The following ANO6 variants were observed in gnomAD, a reference collection of about 807,000 sequenced individuals.
The protein encoded by ANO6 is anoctamin-6.
In ANO6, 106 loss-of-function variants were observed where a neutral mutation model predicts 117.5. That is an observed-to-expected ratio of 0.90 (90% CI 0.77 to 1.06). The LOEUF (loss-of-function observed/expected upper bound fraction) is 1.06. Among genes scored for constraint, ANO6 ranks in the 50% least tolerant of loss-of-function variants. The probability of loss-of-function intolerance (pLI) is 0.00; values close to 1 mark genes in which losing one functional copy is unlikely to be tolerated. For missense variants in ANO6, 955 were observed against 1,121.1 expected (o/e 0.85, Z 2.12); for synonymous variants, 367 against 385.1 (o/e 0.95, Z 0.55).
chr12:45,224,316 A>G (rs1480768361), intron 1 of ANO6, among the ~76,000 whole-genome samples: 3 of 152,214 alleles, frequency 2.0e-5, no homozygotes, highest in Non-Finnish European at 4.4e-5. Context: ...TGATTTCTCA[A>G]AAATTAAATC....
intron 1 of ANO6, chr12:45,228,106 C>A: frequency 2.5e-6 from 1 of 406,626 alleles, no homozygotes; most frequent in Non-Finnish European, 4.8e-6. Flanking sequence ...ATCCTATTCT[C>A]CTAGGCTTTT....
chr12:45,328,685 T>C (rs1014054772), intron 2 of ANO6, among the ~76,000 whole-genome samples: 1 of 152,192 alleles, frequency 6.6e-6, no homozygotes, highest in Non-Finnish European at 1.5e-5. Context: ...ACTTGCTATG[T>C]ACCTGGATTC....
intron 1 of ANO6, among the ~76,000 whole-genome samples, chr12:45,243,313 TCTCTTAAAAAA>T (rs1947774313): frequency 6.6e-6 from 1 of 152,090 alleles, no homozygotes; most frequent in African/African-American, 2.4e-5. Context: ...AGTGAGACCC[TCTCTTAAAAAA>T]GTAATTGTAA....
chr12:45,228,646 G>A (rs1421454965), intron 1 of ANO6, among the ~76,000 whole-genome samples: 1 of 152,140 alleles, frequency 6.6e-6, no homozygotes, highest in Non-Finnish European at 1.5e-5. Context: ...CTGGAGACAT[G>A]GAAATACGGA....
intron 12 of ANO6, among the ~76,000 whole-genome samples, chr12:45,396,051 T>C (rs925981598): frequency 2.0e-5 from 3 of 152,186 alleles, no homozygotes; most frequent in African/African-American, 7.2e-5. Flanking sequence ...GAAATCAAAT[T>C]GTCCCTGTTT....
chr12:45,319,782 C>G (rs1940190910), intron 2 of ANO6, among the ~76,000 whole-genome samples: 1 of 152,172 alleles, frequency 6.6e-6, no homozygotes, highest in African/African-American at 2.4e-5. Flanking sequence ...TTAATTATTG[C>G]CTTAATTTCA....
intron 10 of ANO6, among the ~76,000 whole-genome samples, chr12:45,384,840 C>T (rs78574719): frequency 0.068 from 10,310 of 152,192 alleles, 560 homozygotes; most frequent in East Asian, 0.32. Flanking sequence ...AGAGGCTCAA[C>T]GTGGGGTTGC....
chr12:45,269,533 T>C (rs1306098466), intron 1 of ANO6, among the ~76,000 whole-genome samples: 2 of 152,214 alleles, frequency 1.3e-5, no homozygotes, highest in East Asian at 1.9e-4. Flanking sequence ...TAAAAGGTAG[T>C]CTGGAGTGTT....
rs146513491 is a variant in ANO6 at position 45,416,736 on chromosome 12, T to C, written c.2049T>C (p.Ser683=). 1.2e-5 allele frequency: 19 copies of C among 1,614,160 alleles called. No homozygotes were observed. In the African/African-American group the frequency reaches 2.4e-4, roughly 20 times the overall value. Residue 683 remains serine, a synonymous_variant, in exon 17 of 20, where the codon TCT becomes TCC. Coordinates refer to ENST00000320560, the MANE Select transcript of ANO6 (RefSeq NM_001025356.3). ...GGTTCGTCACCTTATTTGTGGCCTC[T>C]TTTCCACTGGCCCCTCTGTTGGCTC... is the stretch of plus-strand genomic sequence containing the variant. ...QFGFVTLFVA[S]FPLAPLLALV... is the part of the protein sequence containing the mutation.
At chr12:45,403,272 G>T in intron 14 of ANO6, 31 bp downstream of exon 14, 1 of 1,607,746 alleles carries the variant, frequency 6.2e-7, no homozygotes. Context: ...TATCTTGCCA[G>T]TTTAAGCTGA....
Position 45,439,647 on chromosome 12 carries a change from C to CTTT in ANO6, c.2527-10_2527-8dup, listed in dbSNP as rs34144696. On this transcript the variant is annotated intron_variant, in intron 19 of 19. Transcript: ENST00000425752. The stretch of plus-strand genomic sequence containing the variant: ...GAGTATTCAAGATATGATTTAATTG[C>CTTT]TTTTTTTTTTTTTTTTTTTTGAGAC... The CTTT allele has an allele frequency of 5.0e-4, 568 of 1,132,206 alleles. 1 individual carries two copies. The highest frequency in any genetic ancestry group is 9.5e-4 in the Middle Eastern group (3 of 3,158). 70.1% of individuals were successfully genotyped at this position (1,132,206 alleles called of 1,614,324 possible).
Position 45,402,027 on chromosome 12 carries a change from T to C in ANO6, c.1612+7T>C. On this transcript the variant is annotated splice_region_variant and intron_variant, in intron 13 of 19. Transcript: ENST00000320560. Reference sequence around the variant, plus strand: ...ATTATGATTACTAACTTCGGTAAGGTCCTACTATAGCTTAGGTAACTTCTG... The same window carrying C: ...ATTATGATTACTAACTTCGGTAAGGCCCTACTATAGCTTAGGTAACTTCTG... 1 of 1,608,504 alleles carries C rather than the reference T, an allele frequency of 6.2e-7. No homozygotes were observed. Among genetic ancestry groups the C allele is most frequent in the Non-Finnish European group, 8.5e-7 (1 of 1,175,514 alleles).
intron 1 of ANO6, among the ~76,000 whole-genome samples, chr12:45,282,430 C>T (rs1344925670): frequency 6.6e-6 from 1 of 152,106 alleles, no homozygotes; most frequent in African/African-American, 2.4e-5. Context: ...TGGAGGAAAT[C>T]AGAGAAATGG....
intron 1 of ANO6, among the ~76,000 whole-genome samples, chr12:45,235,871 G>A (rs1172535548): frequency 6.6e-6 from 1 of 152,126 alleles, no homozygotes; most frequent in Non-Finnish European, 1.5e-5. Flanking sequence ...ATCCCAGGTG[G>A]CCTTCCTCCA....
intron 1 of ANO6, among the ~76,000 whole-genome samples, chr12:45,246,109 T>A (rs762678858): frequency 2.6e-5 from 4 of 152,234 alleles, no homozygotes; most frequent in African/African-American, 4.8e-5. Flanking sequence ...TGAGTGTAAG[T>A]ACATAGTATG....
rs1943654038 is a variant in ANO6, at chr12:45,432,307, TTTA to T, written c.*2998_*3000del. 1.1e-6 allele frequency: 1 copy of T among 899,628 alleles called. No individual in the cohort carries two copies. The highest frequency in any genetic ancestry group is 6.2e-5 in the Admixed American group (1 of 16,150). The allele number at this position is 899,628 out of a possible 1,614,324, so 55.7% of individuals were successfully genotyped here. ...TAATTTCTGTGCATTTTAATATTCT[TTTA>T]TAATTATGAGCATTTTAATAAATTC... is the stretch of plus-strand genomic sequence containing the variant. On this transcript the variant is annotated 3_prime_UTR_variant, in exon 20 of 20. Transcript: ENST00000320560.
Position 45,348,032 on chromosome 12 carries a change from T to C in ANO6, c.350T>C (p.Leu117Ser). Reference protein sequence around the residue: ...GLQLEATRSVLDDKLVFVKVH... With the variant: ...GLQLEATRSVSDDKLVFVKVH... ...GTTTTTATTTTTCCAATATAGGTAT[T>C]GGATGACAAGCTTGTATTTGTAAAA... The change falls in exon 5 of 20, where the codon TTG becomes TCG. Residue 117 changes from leucine to serine, a missense_variant. Leu to Ser is a moderately radical substitution (Grantham distance 145, BLOSUM62 -2). Coordinates refer to ENST00000320560, the MANE Select transcript of ANO6 (RefSeq NM_001025356.3). The C allele has an allele frequency of 1.2e-6, 2 of 1,613,716 alleles. No individual in the cohort carries two copies. The highest frequency in any genetic ancestry group is 1.7e-6 in the Non-Finnish European group (2 of 1,179,846).
intron 9 of ANO6, among the ~76,000 whole-genome samples, chr12:45,376,860 GAAAAAA>G (rs912016932): frequency 7.6e-6 from 1 of 131,756 alleles, no homozygotes; most frequent in African/African-American, 2.9e-5. Flanking sequence ...AATAATAAAA[GAAAAAA>G]AAAGAATATT....
At chr12:45,250,089 G>A (rs924188867) in intron 1 of ANO6, among the ~76,000 whole-genome samples, 1 of 152,108 alleles carries the variant, frequency 6.6e-6, no homozygotes, top group East Asian at 1.9e-4. Context: ...ATAAAACCAA[G>A]AACTGTGTTA....
Sources: gnomAD v4.1 joint callset for allele counts (sites outside exome capture counted in the v4.1 genomes callset) on GRCh38, gnomAD v4.1.1 for gene constraint, MANE v1.5 for transcripts, NCBI Gene and HGNC (gene_info 2026-07-23, HGNC 2026-07-21) for gene names.